The following LAMB1 variants were observed in gnomAD, a reference collection of about 807,000 sequenced individuals.
LAMB1 encodes laminin subunit beta 1, also known as laminin subunit beta-1.
In LAMB1, 121 loss-of-function variants were observed where a neutral mutation model predicts 222.3. The observed-to-expected ratio is 0.54, with a 90% CI of 0.47 to 0.63. The LOEUF is 0.63. Ranked by LOEUF, LAMB1 falls within the 30% of genes least tolerant of loss-of-function variation. The pLI is 0.00. For missense variants in LAMB1, 2,172 were observed against 2,240.8 expected, an observed-to-expected ratio of 0.97 and a Z score of 0.62; for synonymous variants, 794 against 807.2, an observed-to-expected ratio of 0.98 and a Z score of 0.28.
At chr7:107,957,150 G>A (rs2033394794) in intron 20 of LAMB1, among the ~76,000 whole-genome samples, 1 of 152,196 alleles carries the variant, frequency 6.6e-6, no homozygotes, top group Non-Finnish European at 1.5e-5. Context: ...AGCATTTTGG[G>A]AGGCTGCAGC....
intron 24 of LAMB1, among the ~76,000 whole-genome samples, chr7:107,944,386 G>T (rs957835316): frequency 6.6e-6 from 1 of 152,152 alleles, no homozygotes; most frequent in Non-Finnish European, 1.5e-5. Context: ...GAGTTCCAAT[G>T]AGCTAGCAGA....
chr7:107,972,203 G>C (rs544239644), intron 13 of LAMB1, among the ~76,000 whole-genome samples: 1 of 152,256 alleles, frequency 6.6e-6, no homozygotes, highest in East Asian at 1.9e-4. Flanking sequence ...TCTTGCTGCT[G>C]AATACCTCAT....
chr7:107,952,463 T>G (rs752450960), intron 22 of LAMB1, among the ~76,000 whole-genome samples: 2 of 152,250 alleles, frequency 1.3e-5, no homozygotes, highest in Non-Finnish European at 2.9e-5. Context: ...CACCTAAAAG[T>G]ATGTTCAAAA....
At chr7:107,998,565 T>A (rs2034323561) in intron 3 of LAMB1, 73 bp from the exon 4 acceptor site, 6 of 1,336,200 alleles carry the variant, frequency 4.5e-6, no homozygotes, top group South Asian at 2.8e-5. Context: ...AAAAACCCCA[T>A]GAAGCTCCTA....
At chr7:107,966,670 C>T (rs1277808281) in intron 13 of LAMB1, among the ~76,000 whole-genome samples, 1 of 152,168 alleles carries the variant, frequency 6.6e-6, no homozygotes, top group African/African-American at 2.4e-5. Flanking sequence ...ATTCTTTCCT[C>T]CCCAGATGTT....
At chr7:107,993,868 AG>A (rs1273182246) in intron 5 of LAMB1, among the ~76,000 whole-genome samples, 1 of 152,226 alleles carries the variant, frequency 6.6e-6, no homozygotes, top group African/African-American at 2.4e-5. Context: ...CTGCTCCAGC[AG>A]GAACAGCAGG....
At chr7:107,962,707 CAAAAAAAA>C (rs57580761) in intron 15 of LAMB1, among the ~76,000 whole-genome samples, 190 bp downstream of exon 15, 1 of 98,696 alleles carries the variant, frequency 1.0e-5, no homozygotes, top group African/African-American at 3.5e-5. Flanking sequence ...GAGCGAGACT[CAAAAAAAA>C]AAAAAAAAAA....
chr7:107,926,964 G>C (rs2032581092), intron 31 of LAMB1, among the ~76,000 whole-genome samples: 1 of 152,144 alleles, frequency 6.6e-6, no homozygotes, highest in African/African-American at 2.4e-5. Context: ...ATCCACATCT[G>C]ATCTCCTTTC....
rs375046008 is a variant in LAMB1, at chr7:107,932,309, G to A, written c.4257C>T (p.Asp1419=). ...GCCCCCCACACTTCCTCTCTCCTTC[G>A]TCAGTTCTGCAGTTTGGCCCGCCAC... The part of the protein sequence containing the change: ...TECGGPNCRT[D]EGERKCGGPG... The change falls in exon 28 of 34, where the codon GAC becomes GAT. Residue 1419 remains aspartate (D), a synonymous_variant. Transcript: ENST00000222399. 54 of 1,614,008 alleles carry A rather than the reference G, an allele frequency of 3.3e-5. No homozygotes were observed. Among genetic ancestry groups the A allele is most frequent in the Non-Finnish European group, 4.2e-5 (49 of 1,180,036 alleles).
intron 24 of LAMB1, among the ~76,000 whole-genome samples, chr7:107,941,122 G>C (rs1294620508): frequency 6.6e-6 from 1 of 152,158 alleles, no homozygotes; most frequent in Non-Finnish European, 1.5e-5. Context: ...AGGCCCAATA[G>C]GGTTGGCACC....
At chr7:107,947,983 C>CTTTTTTTTTT (rs10630521) in intron 24 of LAMB1, among the ~76,000 whole-genome samples, 1 of 117,256 alleles carries the variant, frequency 8.5e-6, no homozygotes, top group African/African-American at 3.3e-5. Flanking sequence ...TCTTCTTCTT[C>CTTTTTTTTTT]TTTTTTTTTT....
chr7:107,987,982 T>C (rs2034111440), intron 5 of LAMB1, among the ~76,000 whole-genome samples: 1 of 152,200 alleles, frequency 6.6e-6, no homozygotes. Context: ...CAGATTGCAC[T>C]TTAGAAAAAT....
intron 24 of LAMB1, chr7:107,940,618 A>C: frequency 2.1e-6 from 1 of 474,806 alleles, no homozygotes. Context: ...CTCTCACAAT[A>C]ACCCTATGGG....
chr7:107,927,018 T>C (rs1410676813), intron 31 of LAMB1, among the ~76,000 whole-genome samples: 1 of 152,204 alleles, frequency 6.6e-6, no homozygotes, highest in Non-Finnish European at 1.5e-5. Context: ...CTAGCCAAAG[T>C]AAGCAGTTGA....
chr7:107,957,716 C>G (rs1206902623), intron 20 of LAMB1, among the ~76,000 whole-genome samples: 2 of 152,162 alleles, frequency 1.3e-5, no homozygotes, highest in Non-Finnish European at 2.9e-5. Flanking sequence ...GTGTTCATTT[C>G]TTGCCTCCCC....
Position 108,002,849 on chromosome 7 carries a change from CT to C in LAMB1, c.36del (p.Ala13ProfsTer40), listed in dbSNP as rs1338672652. 1 of 1,614,150 alleles carries C rather than the reference CT, an allele frequency of 6.2e-7. No individual in the cohort carries two copies. Among genetic ancestry groups the C allele is most frequent in the East Asian group, 2.2e-5 (1 of 44,864 alleles). The part of the protein sequence containing the change: ...GLLQLLAFSF[L>X]ALCRARVRAQ... ...CCCCGCACCGTTTCCACGGAATTAC[CT>C]AAGAAACTGAAAGCTAGCAACTGGA... On this transcript the variant is annotated frameshift_variant and splice_region_variant, in exon 2 of 34. Coordinates refer to ENST00000222399, the MANE Select transcript of LAMB1 (RefSeq NM_002291.3). LOFTEE classifies it high-confidence loss of function.
intron 13 of LAMB1, among the ~76,000 whole-genome samples, chr7:107,970,862 A>C (rs1255633139): frequency 3.3e-5 from 5 of 151,936 alleles, no homozygotes; most frequent in Admixed American, 6.6e-5. Context: ...CCTCCCAAGT[A>C]GCTGAGATTA....
intron 17 of LAMB1, 63 bp from the exon 18 acceptor site, chr7:107,960,712 A>C: frequency 7.1e-7 from 1 of 1,410,794 alleles, no homozygotes; most frequent in Non-Finnish European, 1.0e-6. Context: ...GGGTTTAAGC[A>C]AGCAAACGTG....
intron 24 of LAMB1, among the ~76,000 whole-genome samples, chr7:107,948,021 C>T (rs2033157348): frequency 7.8e-6 from 1 of 128,152 alleles, no homozygotes; most frequent in African/African-American, 3.0e-5. Flanking sequence ...CTTGCTCTGT[C>T]ACCCAGGCTG....
Sources: gnomAD v4.1 joint callset for allele counts (sites outside exome capture counted in the v4.1 genomes callset) on GRCh38, gnomAD v4.1.1 for gene constraint, MANE v1.5 for transcripts, NCBI Gene and HGNC (gene_info 2026-07-23, HGNC 2026-07-21) for gene names.